KIFAP3: variants seen among roughly 807,000 people sequenced by gnomAD.
KIFAP3 encodes kinesin-associated protein 3.
KIFAP3 carries 68 observed loss-of-function variants against 106.5 expected under a neutral mutation model. The observed-to-expected ratio is 0.64, with a 90% CI of 0.53 to 0.78. The LOEUF is 0.78. Ranked by LOEUF, KIFAP3 falls within the 30% of genes least tolerant of loss-of-function variation. The pLI is 0.00. For missense variants in KIFAP3, 780 were observed against 941.8 expected, an observed-to-expected ratio of 0.83 and a Z score of 2.25; for synonymous variants, 320 against 311.5, an observed-to-expected ratio of 1.03 and a Z score of -0.29.
At chr1:169,969,730 C>T (rs184515900) in intron 17 of KIFAP3, among the ~76,000 whole-genome samples, 1 of 151,862 alleles carries the variant, frequency 6.6e-6, no homozygotes, top group African/African-American at 2.4e-5. Flanking sequence ...CTGTAAACAC[C>T]CTGTAGATAC....
At chr1:170,072,862 T>C (rs1340715465) in intron 1 of KIFAP3, among the ~76,000 whole-genome samples, 3 of 152,132 alleles carry the variant, frequency 2.0e-5, no homozygotes, top group East Asian at 3.8e-4. Flanking sequence ...TAGTAAAAAT[T>C]AGATGAAATT....
At chr1:169,990,162 T>A in intron 11 of KIFAP3, 1 of 1,479,382 alleles carries the variant, frequency 6.8e-7, no homozygotes, top group Non-Finnish European at 9.1e-7. Flanking sequence ...GAGTTCAGTA[T>A]GAAATGAGAA....
chr1:169,981,576 T>G (rs1666526424), intron 15 of KIFAP3, among the ~76,000 whole-genome samples: 1 of 152,216 alleles, frequency 6.6e-6, no homozygotes. Flanking sequence ...TAAATTAAAC[T>G]TTATCATTGG....
intron 16 of KIFAP3, among the ~76,000 whole-genome samples, chr1:169,974,578 T>C (rs977597762): frequency 6.6e-6 from 1 of 151,916 alleles, no homozygotes; most frequent in Non-Finnish European, 1.5e-5. Flanking sequence ...AAAAAATATA[T>C]AGAATAATGT....
At chr1:169,995,020 G>A (rs184394194) in intron 10 of KIFAP3, among the ~76,000 whole-genome samples, 6 of 152,100 alleles carry the variant, frequency 3.9e-5, no homozygotes, top group East Asian at 1.9e-4. Context: ...TTGTGAAATC[G>A]CTCCAAGTAA....
intron 3 of KIFAP3, among the ~76,000 whole-genome samples, chr1:170,043,990 G>T (rs1670113159): frequency 6.6e-6 from 1 of 152,114 alleles, no homozygotes; most frequent in African/African-American, 2.4e-5. Flanking sequence ...TGATGTTGAG[G>T]TGATTAATCA....
At chr1:170,013,287 T>C (rs368208623) in intron 10 of KIFAP3, among the ~76,000 whole-genome samples, 1 of 152,210 alleles carries the variant, frequency 6.6e-6, no homozygotes, top group African/African-American at 2.4e-5. Context: ...ACACCCTTAA[T>C]AATATAAGCC....
intron 19 of KIFAP3, among the ~76,000 whole-genome samples, chr1:169,951,686 A>C (rs976634981): frequency 6.6e-6 from 1 of 151,914 alleles, no homozygotes; most frequent in African/African-American, 2.4e-5. Flanking sequence ...TTGAGCAAAA[A>C]AGGATTTTCT....
At chr1:169,992,354 T>G in intron 10 of KIFAP3, 99 bp from the exon 11 acceptor site, 1 of 500,072 alleles carries the variant, frequency 2.0e-6, no homozygotes, top group Non-Finnish European at 3.3e-6. Context: ...GAATAAAATC[T>G]TTATATAAAC....
At chr1:170,064,920 C>T (rs896734460) in intron 1 of KIFAP3, among the ~76,000 whole-genome samples, 2 of 152,182 alleles carry the variant, frequency 1.3e-5, no homozygotes, top group Admixed American at 1.3e-4. Context: ...GCTCATTCAG[C>T]CTGCAATTTT....
intron 10 of KIFAP3, among the ~76,000 whole-genome samples, chr1:170,013,769 C>A (rs1268702156): frequency 6.6e-6 from 1 of 152,158 alleles, no homozygotes; most frequent in Non-Finnish European, 1.5e-5. Context: ...CAGTTCTACT[C>A]ATTCCAAGCA....
chr1:169,936,576 A>G (rs1370480739), intron 19 of KIFAP3, among the ~76,000 whole-genome samples: 1 of 151,822 alleles, frequency 6.6e-6, no homozygotes, highest in African/African-American at 2.4e-5. Flanking sequence ...TTTGTCAAAT[A>G]TTGTACTGCT....
chr1:170,024,656 A>G, intron 8 of KIFAP3, 60 bp from the exon 9 acceptor site: 2 of 1,063,796 alleles, frequency 1.9e-6, no homozygotes, highest in Non-Finnish European at 2.6e-6. Flanking sequence ...TAATTTAGAA[A>G]ATCATTTCTA....
intron 17 of KIFAP3, 100 bp downstream of exon 17, chr1:169,972,413 T>G (rs945207706): frequency 4.7e-6 from 3 of 636,506 alleles, no homozygotes; most frequent in Non-Finnish European, 8.4e-6. Flanking sequence ...AAATACAAAG[T>G]TGGGTTTACA....
chr1:170,038,991 G>GA (rs528458804), intron 4 of KIFAP3, among the ~76,000 whole-genome samples: 52 of 152,326 alleles, frequency 3.4e-4, no homozygotes, highest in African/African-American at 1.2e-3. Flanking sequence ...GCTGAGGCAG[G>GA]AAAATCGCTT....
chr1:169,948,240 G>A (rs1664544347), intron 19 of KIFAP3, among the ~76,000 whole-genome samples: 1 of 151,644 alleles, frequency 6.6e-6, no homozygotes, highest in South Asian at 2.1e-4. Context: ...TTGATGTGTG[G>A]GTATTAGCAC....
intron 1 of KIFAP3, among the ~76,000 whole-genome samples, chr1:170,069,608 C>A (rs973192946): frequency 6.6e-6 from 1 of 151,868 alleles, no homozygotes; most frequent in Middle Eastern, 3.2e-3. Flanking sequence ...CTGACAAAAC[C>A]CAACATCTTT....
chr1:169,976,527 C>A (rs1185496836), intron 16 of KIFAP3, among the ~76,000 whole-genome samples: 1 of 151,970 alleles, frequency 6.6e-6, no homozygotes, highest in Non-Finnish European at 1.5e-5. Context: ...TGTTCAAAAG[C>A]ATATTTGGAG....
chr1:169,954,224 G>GC, intron 18 of KIFAP3, 114 bp from the exon 19 acceptor site: 1 of 667,200 alleles, frequency 1.5e-6, no homozygotes, highest in South Asian at 1.7e-5. Flanking sequence ...AAAAATGTTA[G>GC]CATGACATGC....
Sources: allele counts gnomAD v4.1 joint callset (sites outside exome capture counted in the v4.1 genomes callset), GRCh38; gene constraint gnomAD v4.1.1; transcripts MANE v1.5; gene names NCBI Gene and HGNC (gene_info 2026-07-23, HGNC 2026-07-21).